Variants in CNBD1 observed in about 807,000 individuals in gnomAD.
CNBD1 encodes the protein cyclic nucleotide binding domain containing 1, also known as cyclic nucleotide-binding domain-containing protein 1.
CNBD1 carries 71 observed loss-of-function variants against 54.4 expected under a neutral mutation model. That is an observed-to-expected ratio of 1.30 (90% confidence interval 1.08 to 1.59). The LOEUF (loss-of-function observed/expected upper bound fraction) is 1.59. CNBD1 is among the 40% of genes most tolerant of loss of function. CNBD1 has a pLI of 0.00. For synonymous variants in CNBD1, 182 were observed against 170.7 expected (o/e 1.07, Z -0.51); for missense variants, 659 against 518.0 (o/e 1.27, Z -2.64).
At chr8:87,272,993 A>G (rs997592119) in intron 6 of CNBD1, among the ~76,000 whole-genome samples, 7 of 151,900 alleles carry the variant, frequency 4.6e-5, no homozygotes, top group South Asian at 2.1e-4. Flanking sequence ...CCAAGTATGG[A>G]GGGGCAATTC....
intron 6 of CNBD1, among the ~76,000 whole-genome samples, chr8:87,244,496 G>A (rs1309771597): frequency 3.3e-5 from 5 of 152,060 alleles, no homozygotes; most frequent in Non-Finnish European, 7.4e-5. Flanking sequence ...TATCTCCTGA[G>A]TATAATACAT....
rs562152672 is a variant in CNBD1, at chr8:86,906,979, T to C, written c.272+1785T>C. On this transcript the variant is annotated intron_variant, in intron 3 of 10. Coordinates refer to ENST00000518476, the MANE Select transcript of CNBD1 (RefSeq NM_173538.3). ...TTTGTTTAAGTGTCTGAAAAGCCAA[T>C]AAAATTAGCTTAAGAATCAAGGGGA... is the stretch of plus-strand genomic sequence containing the variant. Among the ~76,000 whole-genome samples the C allele has an allele frequency of 1.8e-4, 27 of 152,348 alleles. No homozygotes were observed. In the South Asian group the frequency reaches 5.6e-3, roughly 32 times the overall value.
At chr8:87,396,492 G>T (rs1050773221) in intron 2 of CNBD1, among the ~76,000 whole-genome samples, 2 of 151,670 alleles carry the variant, frequency 1.3e-5, no homozygotes, top group Non-Finnish European at 2.9e-5. Context: ...TTACTTCATT[G>T]GTAAGTCTTC....
intron 4 of CNBD1, among the ~76,000 whole-genome samples, chr8:87,101,549 G>A (rs1336854574): frequency 6.6e-6 from 1 of 152,008 alleles, no homozygotes; most frequent in African/African-American, 2.4e-5. Flanking sequence ...ACCGTAATTG[G>A]AGACTTTACA....
intron 4 of CNBD1, among the ~76,000 whole-genome samples, chr8:87,101,570 T>C (rs1406525817): frequency 1.3e-5 from 2 of 152,146 alleles, no homozygotes; most frequent in Admixed American, 1.3e-4. Flanking sequence ...CATTTCTCAG[T>C]AAATTATGGA....
At chr8:87,138,341 C>G (rs1388854657) in intron 4 of CNBD1, among the ~76,000 whole-genome samples, 2 of 152,164 alleles carry the variant, frequency 1.3e-5, no homozygotes, top group African/African-American at 4.8e-5. Flanking sequence ...AATCTAAGCT[C>G]TCTACCCAGA....
intron 8 of CNBD1, among the ~76,000 whole-genome samples, chr8:87,335,804 G>T (rs551187494): frequency 1.6e-4 from 24 of 152,226 alleles, no homozygotes; most frequent in African/African-American, 5.3e-4. Context: ...TAGTGTCACT[G>T]GTCTTTATAT....
chr8:86,969,346 A>T lies in CNBD1; in HGVS notation c.431+29592A>T, dbSNP rs116394183. Among the ~76,000 whole-genome samples the T allele has an allele frequency of 7.4e-3, 1,121 of 152,234 alleles. 11 individuals are homozygous for T. Among genetic ancestry groups the T allele is most frequent in the African/African-American group, 0.026 (1,078 of 41,542 alleles). On this transcript the variant is annotated intron_variant, in intron 4 of 10. Coordinates refer to ENST00000518476, the MANE Select transcript of CNBD1 (RefSeq NM_173538.3). ...TTGATTGAAGAGATGAAATTTGTAA[A>T]CTTTTCTATTCTGTTATTTCCCCAT...
At chr8:87,306,801 T>C (rs751782491) in intron 8 of CNBD1, among the ~76,000 whole-genome samples, 13 of 152,102 alleles carry the variant, frequency 8.5e-5, no homozygotes, top group Non-Finnish European at 1.6e-4. Flanking sequence ...ACTATAAATA[T>C]GGTGCAGTGT....
rs187364593 is a variant in CNBD1, at chr8:86,988,725, A to G, written c.431+48971A>G. Among the ~76,000 whole-genome samples, 38 of 151,986 alleles carry G rather than the reference A, an allele frequency of 2.5e-4. No individual in the cohort carries two copies. In the East Asian group the frequency reaches 7.2e-3, roughly 29 times the overall value. On this transcript the variant is annotated intron_variant, in intron 4 of 10. Transcript: ENST00000518476. Reference sequence around the variant, plus strand: ...ATTATTCTCTTCTCTACCTCCATTGATGCAATTGTCTTAATTTTTAGCTTC... The same window carrying G: ...ATTATTCTCTTCTCTACCTCCATTGGTGCAATTGTCTTAATTTTTAGCTTC...
chr8:87,321,845 C>A (rs1809543335), intron 8 of CNBD1, among the ~76,000 whole-genome samples: 1 of 147,812 alleles, frequency 6.8e-6, no homozygotes, highest in Non-Finnish European at 1.5e-5. Context: ...GGTACATGTG[C>A]ACATTGTGCA....
chr8:87,382,193 T>A (rs1173994297), intron 10 of CNBD1, among the ~76,000 whole-genome samples: 1 of 151,958 alleles, frequency 6.6e-6, no homozygotes, highest in Non-Finnish European at 1.5e-5. Context: ...ATAGCTCTGT[T>A]CAGCATTTTG....
intron 4 of CNBD1, among the ~76,000 whole-genome samples, chr8:87,084,206 G>A (rs953930890): frequency 6.6e-6 from 1 of 152,104 alleles, no homozygotes; most frequent in Admixed American, 6.6e-5. Flanking sequence ...GCTTTAAACA[G>A]TAGTGTCTTA....
intron 2 of CNBD1, among the ~76,000 whole-genome samples, chr8:87,415,549 T>C (rs1040423834): frequency 6.6e-6 from 1 of 152,076 alleles, no homozygotes; most frequent in African/African-American, 2.4e-5. Context: ...TTGTTTACTC[T>C]TCTCAGTGTT....
chr8:87,250,083 G>T (rs775740750), intron 6 of CNBD1, among the ~76,000 whole-genome samples: 3 of 151,820 alleles, frequency 2.0e-5, no homozygotes, highest in Admixed American at 6.6e-5. Flanking sequence ...ATTTTAAAAG[G>T]GATTAATAAC....
Position 87,353,756 on chromosome 8 carries a change from A to G in CNBD1, c.1273A>G (p.Met425Val). Residue 425 changes from methionine (M) to valine (V), a missense_variant, in exon 10 of 11, where the codon ATG becomes GTG. Met to Val is a conservative substitution (Grantham distance 21, BLOSUM62 1). Coordinates refer to ENST00000518476, the MANE Select transcript of CNBD1 (RefSeq NM_173538.3). ...AATCATTACCAAAAAAGAAGTTGAGATGGCAATCATTGAAGATAAGGACCT... is the reference window on the plus strand; with the variant it reads ...AATCATTACCAAAAAAGAAGTTGAGGTGGCAATCATTGAAGATAAGGACCT... ...CTIITKKEVE[M>V]AIIEDKDLFV... The G allele has an allele frequency of 6.2e-7, 1 of 1,610,348 alleles. No individual in the cohort carries two copies. Among genetic ancestry groups the G allele is most frequent in the South Asian group, 1.1e-5 (1 of 90,032 alleles).
chr8:87,039,920 A>T (rs1327077617), intron 4 of CNBD1, among the ~76,000 whole-genome samples: 1 of 152,038 alleles, frequency 6.6e-6, no homozygotes, highest in African/African-American at 2.4e-5. Flanking sequence ...TTCTGCACTG[A>T]GTCAGTTCTT....
chr8:87,388,550 G>C (rs997911862), intron 2 of CNBD1, among the ~76,000 whole-genome samples: 10 of 152,136 alleles, frequency 6.6e-5, no homozygotes, highest in Non-Finnish European at 1.5e-4. Flanking sequence ...GACTAAACCA[G>C]GAAGAAGCTG....
In CNBD1 at chr8:87,378,599, C is replaced by T. The variant is rs1205959911; in HGVS notation, c.1304-4021C>T. On this transcript the variant is annotated intron_variant, in intron 10 of 10. Transcript: ENST00000518476. ...AAGTCAGGTAGTGTGATGCCTCCAG[C>T]TTTGTTCTTTTGGCTTAGGATTGAC... Among the ~76,000 whole-genome samples the T allele has an allele frequency of 4.0e-5, 6 of 149,242 alleles. No homozygotes were observed. The East Asian group carries it at 5.8e-4, about 14-fold the overall frequency.
Sources: gnomAD v4.1 joint callset for allele counts (sites outside exome capture counted in the v4.1 genomes callset) on GRCh38, gnomAD v4.1.1 for gene constraint, MANE v1.5 for transcripts, NCBI Gene and HGNC (gene_info 2026-07-23, HGNC 2026-07-21) for gene names.